Variants in LRRC4C observed in about 807,000 individuals in gnomAD.
The protein encoded by LRRC4C is leucine-rich repeat-containing protein 4C.
In LRRC4C, 5 loss-of-function variants were observed where a neutral mutation model predicts 33.6. The ratio of observed to expected loss-of-function variants is 0.15; its 90% CI spans 0.08 to 0.31. LRRC4C has a LOEUF of 0.31. Among genes scored for constraint, LRRC4C ranks in the 10% least tolerant of loss-of-function variants. The probability of loss-of-function intolerance (pLI) is 1.00; values close to 1 mark genes in which losing one functional copy is unlikely to be tolerated. For synonymous variants in LRRC4C, 329 were observed against 302.0 expected (o/e 1.09, Z -0.93); for missense variants, 560 against 796.7 (o/e 0.70, Z 3.58).
At position 41,253,655 on chromosome 11, in the gene LRRC4C, C is replaced by T. The variant is rs1416974137; in HGVS notation, c.-496+205776G>A. 2.6e-5 allele frequency among the ~76,000 whole-genome samples: 4 copies of T among 152,128 alleles called. No homozygotes were observed. The East Asian group carries it at 7.7e-4, about 29-fold the overall frequency. On this transcript the variant is annotated intron_variant, in intron 1 of 6. Transcript: ENST00000528697. The stretch of plus-strand genomic sequence containing the variant: ...CATCCCTGGCCTAATAGCACAGTTC[C>T]AAATCTGTAAAATGAAAGTGTTAAG...
At chr11:41,268,131 C>T (rs941733365) in intron 1 of LRRC4C, among the ~76,000 whole-genome samples, 4 of 152,078 alleles carry the variant, frequency 2.6e-5, no homozygotes, top group African/African-American at 7.2e-5. Context: ...ATGTCACATT[C>T]GTTAGGTCTG....
At chr11:40,845,370 T>C (rs1953108630) in intron 2 of LRRC4C, among the ~76,000 whole-genome samples, 1 of 152,136 alleles carries the variant, frequency 6.6e-6, no homozygotes, top group Non-Finnish European at 1.5e-5. Context: ...ATGTCCTCAT[T>C]GTTCAACTCC....
intron 1 of LRRC4C, among the ~76,000 whole-genome samples, chr11:41,155,667 T>C (rs1275728896): frequency 6.6e-6 from 1 of 152,052 alleles, no homozygotes; most frequent in Non-Finnish European, 1.5e-5. Context: ...CTTTCCCTAC[T>C]CTCCTATTCT....
intron 1 of LRRC4C, among the ~76,000 whole-genome samples, chr11:41,072,620 G>A (rs1938790386): frequency 6.6e-6 from 1 of 152,086 alleles, no homozygotes; most frequent in Non-Finnish European, 1.5e-5. Context: ...CTGTGGAGCT[G>A]TAAGTCAATG....
At chr11:41,379,004 T>C (rs1953045046) in intron 1 of LRRC4C, among the ~76,000 whole-genome samples, 2 of 152,092 alleles carry the variant, frequency 1.3e-5, no homozygotes, top group South Asian at 4.1e-4. Context: ...ATATTCATTT[T>C]CATGCTTGTT....
At chr11:40,744,035 TTTAA>T (rs1426845519) in intron 2 of LRRC4C, among the ~76,000 whole-genome samples, 15 of 152,240 alleles carry the variant, frequency 9.9e-5, no homozygotes, top group Admixed American at 8.5e-4. Context: ...AATTTACCTG[TTTAA>T]TTATTTATTT....
At chr11:41,238,343 G>A (rs1948109465) in intron 1 of LRRC4C, among the ~76,000 whole-genome samples, 1 of 152,014 alleles carries the variant, frequency 6.6e-6, no homozygotes. Flanking sequence ...AGGTGTCAAC[G>A]AGTGTTCTTT....
chr11:40,120,519 G>A (rs902810701), intron 6 of LRRC4C, among the ~76,000 whole-genome samples: 1 of 152,172 alleles, frequency 6.6e-6, no homozygotes. Context: ...GTTTCAGGGG[G>A]AGAGGGCCTA....
At chr11:40,330,479 ATCT>A (rs1458124580) in intron 3 of LRRC4C, among the ~76,000 whole-genome samples, 3 of 152,148 alleles carry the variant, frequency 2.0e-5, no homozygotes, top group South Asian at 4.1e-4. Flanking sequence ...AACATTCAAA[ATCT>A]TCTTGTATTA....
intron 3 of LRRC4C, among the ~76,000 whole-genome samples, chr11:40,620,961 C>A (rs1247974035): frequency 6.6e-6 from 1 of 151,684 alleles, no homozygotes; most frequent in Non-Finnish European, 1.5e-5. Context: ...CTGTGCTCTA[C>A]AGGCCTACAA....
chr11:41,373,160 T>C (rs1182095953), intron 1 of LRRC4C, among the ~76,000 whole-genome samples: 1 of 152,132 alleles, frequency 6.6e-6, no homozygotes, highest in Non-Finnish European at 1.5e-5. Context: ...ATATAATCTC[T>C]TGGGCTTAGA....
intron 3 of LRRC4C, among the ~76,000 whole-genome samples, chr11:40,439,453 A>C (rs899078047): frequency 1.4e-5 from 2 of 147,714 alleles, no homozygotes; most frequent in Admixed American, 1.4e-4. Flanking sequence ...TAATCCATTT[A>C]TTCTTTTTTT....
chr11:40,758,363 T>G (rs979722730), intron 2 of LRRC4C, among the ~76,000 whole-genome samples: 1 of 152,042 alleles, frequency 6.6e-6, no homozygotes, highest in African/African-American at 2.4e-5. Context: ...CCTCTCCTCC[T>G]GCTATGTGCA....
intron 3 of LRRC4C, among the ~76,000 whole-genome samples, chr11:40,520,065 G>C (rs56294344): frequency 2.6e-5 from 4 of 152,106 alleles, no homozygotes; most frequent in Non-Finnish European, 4.4e-5. Flanking sequence ...CAACTAAGTC[G>C]AAGCCAATGC....
At chr11:40,741,220 T>C (rs1278304397) in intron 2 of LRRC4C, among the ~76,000 whole-genome samples, 1 of 152,010 alleles carries the variant, frequency 6.6e-6, no homozygotes, top group African/African-American at 2.4e-5. Context: ...GGAAGAGAGA[T>C]GAGTCAAGAT....
chr11:40,604,320 T>G (rs1960335627), intron 3 of LRRC4C, among the ~76,000 whole-genome samples: 1 of 152,148 alleles, frequency 6.6e-6, no homozygotes, highest in African/African-American at 2.4e-5. Context: ...ATTCTCCTTC[T>G]GTATTACTTT....
intron 2 of LRRC4C, among the ~76,000 whole-genome samples, chr11:40,911,746 C>G (rs1322029740): frequency 6.6e-6 from 1 of 152,174 alleles, no homozygotes; most frequent in Non-Finnish European, 1.5e-5. Context: ...TCAAACTACT[C>G]TGAGCTAAAG....
chr11:40,436,836 T>C (rs1036124585), intron 3 of LRRC4C, among the ~76,000 whole-genome samples: 1 of 152,046 alleles, frequency 6.6e-6, no homozygotes, highest in African/African-American at 2.4e-5. Context: ...ACAGCTGGAG[T>C]TCCCAACTGA....
chr11:41,149,313 G>A (rs1322524437), intron 1 of LRRC4C, among the ~76,000 whole-genome samples: 2 of 151,970 alleles, frequency 1.3e-5, no homozygotes, highest in East Asian at 3.9e-4. Context: ...AGACCATCCC[G>A]GCTAAAAAAC....
Sources: gnomAD v4.1 joint callset for allele counts (sites outside exome capture counted in the v4.1 genomes callset) on GRCh38, gnomAD v4.1.1 for gene constraint, MANE v1.5 for transcripts, NCBI Gene and HGNC (gene_info 2026-07-23, HGNC 2026-07-21) for gene names.